Variants in DNAJC3 observed in about 807,000 individuals in gnomAD.
The protein encoded by DNAJC3 is DnaJ heat shock protein family (Hsp40) member C3, also known as dnaJ homolog subfamily C member 3.
Under a neutral mutation model 68.6 loss-of-function variants are expected in DNAJC3, and 38 were observed. The observed-to-expected ratio is 0.55, with a 90% CI of 0.43 to 0.73. DNAJC3 has a LOEUF of 0.73. Among genes scored for constraint, DNAJC3 ranks in the 30% least tolerant of loss-of-function variants. The pLI, the probability that DNAJC3 is intolerant of heterozygous loss-of-function variation, is 0.00. For missense variants in DNAJC3, 526 were observed against 591.9 expected (o/e 0.89, Z 1.16); for synonymous variants, 203 against 204.0 (o/e 1.00, Z 0.04).
At chr13:95,691,462 C>T (rs1381999653) in intron 1 of DNAJC3, among the ~76,000 whole-genome samples, 4 of 151,862 alleles carry the variant, frequency 2.6e-5, no homozygotes, top group Admixed American at 2.0e-4. Context: ...CGATGGGCGG[C>T]CGGGCAGAGA....
intron 11 of DNAJC3, among the ~76,000 whole-genome samples, chr13:95,787,670 T>TG (rs1491332038): frequency 7.6e-6 from 1 of 130,876 alleles, no homozygotes; most frequent in Admixed American, 7.3e-5. Context: ...CTTATATGTG[T>TG]TTTTTTTTTT....
At chr13:95,687,943 T>C (rs565343557) in intron 1 of DNAJC3, among the ~76,000 whole-genome samples, 1 of 152,368 alleles carries the variant, frequency 6.6e-6, no homozygotes, top group East Asian at 1.9e-4. Context: ...GTGTCATGTA[T>C]GACTACTTTG....
chr13:95,789,069 C>T (rs1431478123), intron 11 of DNAJC3, among the ~76,000 whole-genome samples: 1 of 152,120 alleles, frequency 6.6e-6, no homozygotes, highest in Non-Finnish European at 1.5e-5. Flanking sequence ...GAGAGCAAAG[C>T]GAGACTTGGG....
Position 95,793,086 on chromosome 13 carries a change from C to T in DNAJC3, c.*2056C>T, listed in dbSNP as rs1883832364. ...TCATTTTTTCTCCACTTGTAACAACCATAGTTTCAGCTCCTAAATTCTTAT... is the reference window on the plus strand; with the variant it reads ...TCATTTTTTCTCCACTTGTAACAACTATAGTTTCAGCTCCTAAATTCTTAT... On this transcript the variant is annotated 3_prime_UTR_variant, in exon 12 of 12. Transcript: ENST00000602402. The T allele has an allele frequency of 6.6e-6, 1 of 152,212 alleles. No homozygotes were observed. The highest frequency in any genetic ancestry group is 1.5e-5 in the Non-Finnish European group (1 of 68,042). The allele number at this position is 152,212 out of a possible 1,614,324, so 9.4% of individuals were successfully genotyped here. A position where few individuals can be genotyped will look rare whatever the true frequency, so the allele number is the denominator to read the frequency against.
chr13:95,773,731 C>CTCT lies in DNAJC3; in HGVS notation c.1075+9779_1075+9780insCTT, dbSNP rs1359420907. Among the ~76,000 whole-genome samples, 28 of 71,334 alleles carry CTCT rather than the reference C, an allele frequency of 3.9e-4. 1 individual carries two copies. The highest frequency in any genetic ancestry group is 1.6e-3 in the African/African-American group (28 of 17,456). The allele number at this position is 71,334 out of a possible 152,430, so 46.8% of individuals were successfully genotyped here. A position where few individuals can be genotyped will look rare whatever the true frequency, so the allele number is the denominator to read the frequency against. Reference sequence around the variant, plus strand: ...ACAAAGTTTGGTCAATTTTGTTGGTCTTTTTTTTTTTTTTTTTTTTTTTTG... The same window carrying CTCT: ...ACAAAGTTTGGTCAATTTTGTTGGTCTCTTTTTTTTTTTTTTTTTTTTTTTTTG... On this transcript the variant is annotated intron_variant, in intron 9 of 11. Coordinates refer to ENST00000602402, the MANE Select transcript of DNAJC3 (RefSeq NM_006260.5).
At chr13:95,720,624 C>G (rs754678609) in intron 2 of DNAJC3, among the ~76,000 whole-genome samples, 4 of 152,108 alleles carry the variant, frequency 2.6e-5, no homozygotes, top group Non-Finnish European at 4.4e-5. Context: ...CAAGCAAGTT[C>G]TAAATGTAGT....
intron 4 of DNAJC3, among the ~76,000 whole-genome samples, chr13:95,727,416 G>T (rs1466306174): frequency 6.6e-6 from 1 of 152,086 alleles, no homozygotes; most frequent in East Asian, 1.9e-4. Context: ...TTTTTAGATT[G>T]CTCTTTGGCA....
At chr13:95,740,946 C>T (rs1882122131) in intron 4 of DNAJC3, among the ~76,000 whole-genome samples, 1 of 152,174 alleles carries the variant, frequency 6.6e-6, no homozygotes, top group African/African-American at 2.4e-5. Context: ...ATTTTTCATT[C>T]ATACCCTGGA....
intron 1 of DNAJC3, 149 bp from the exon 2 acceptor site, chr13:95,709,078 G>T (rs892066710): frequency 1.0e-5 from 5 of 485,668 alleles, no homozygotes; most frequent in African/African-American, 1.0e-4. Context: ...TGTATTTTAT[G>T]TTACGTTCTT....
chr13:95,739,787 C>T (rs1403817937), intron 4 of DNAJC3, among the ~76,000 whole-genome samples: 4 of 152,232 alleles, frequency 2.6e-5, no homozygotes, highest in East Asian at 1.9e-4. Context: ...GTAATTTGAT[C>T]GTCTGAAGCC....
chr13:95,768,684 A>G (rs1050761010), intron 9 of DNAJC3, among the ~76,000 whole-genome samples: 1 of 152,038 alleles, frequency 6.6e-6, no homozygotes, highest in African/African-American at 2.4e-5. Flanking sequence ...TGTGTTCAAA[A>G]TTTATACCGG....
chr13:95,733,954 T>C (rs1454797466), intron 4 of DNAJC3, among the ~76,000 whole-genome samples: 1 of 152,180 alleles, frequency 6.6e-6, no homozygotes, highest in Non-Finnish European at 1.5e-5. Context: ...TAAATAACCT[T>C]GAAAAGTTAT....
intron 1 of DNAJC3, among the ~76,000 whole-genome samples, chr13:95,691,008 G>A (rs1880233029): frequency 1.4e-5 from 2 of 144,222 alleles, no homozygotes; most frequent in South Asian, 4.4e-4. Flanking sequence ...TGGCTGGCCG[G>A]GCGGGGGGCT....
At chr13:95,776,618 C>A (rs1470508508) in intron 9 of DNAJC3, among the ~76,000 whole-genome samples, 1 of 152,136 alleles carries the variant, frequency 6.6e-6, no homozygotes, top group Non-Finnish European at 1.5e-5. Flanking sequence ...TGTATACGCT[C>A]CTGATATTTA....
chr13:95,741,289 T>A (rs1882134465), intron 4 of DNAJC3, among the ~76,000 whole-genome samples: 1 of 152,208 alleles, frequency 6.6e-6, no homozygotes, highest in East Asian at 1.9e-4. Flanking sequence ...ATTCTTGGTG[T>A]ATGTAGTAGT....
At chr13:95,756,614 T>G (rs1169293541) in intron 4 of DNAJC3, among the ~76,000 whole-genome samples, 1 of 152,222 alleles carries the variant, frequency 6.6e-6, no homozygotes, top group Non-Finnish European at 1.5e-5. Context: ...AAAGGAGGAA[T>G]ATGATTGACT....
At chr13:95,705,522 T>C (rs558585600) in intron 1 of DNAJC3, among the ~76,000 whole-genome samples, 431 of 145,780 alleles carry the variant, frequency 3.0e-3, no homozygotes, top group African/African-American at 9.4e-3. Flanking sequence ...CTCTCTCTCT[T>C]TTTTTTTTTT....
intron 1 of DNAJC3, among the ~76,000 whole-genome samples, chr13:95,700,968 G>T (rs978315384): frequency 6.6e-6 from 1 of 152,142 alleles, no homozygotes; most frequent in Non-Finnish European, 1.5e-5. Flanking sequence ...TGAAATACTA[G>T]ACATTTTTTT....
intron 2 of DNAJC3, among the ~76,000 whole-genome samples, chr13:95,713,783 A>G (rs1365334885): frequency 2.0e-5 from 3 of 152,244 alleles, no homozygotes; most frequent in African/African-American, 7.2e-5. Flanking sequence ...GACAGTCCAA[A>G]TAGCAACCCC....
Sources: gnomAD v4.1 joint callset for allele counts (sites outside exome capture counted in the v4.1 genomes callset) on GRCh38, gnomAD v4.1.1 for gene constraint, MANE v1.5 for transcripts, NCBI Gene and HGNC (gene_info 2026-07-23, HGNC 2026-07-21) for gene names.